RAB20: variants seen among roughly 807,000 people sequenced by gnomAD.
RAB20 encodes the protein RAB20, member RAS oncogene family.
Under a neutral mutation model 3.7 loss-of-function variants are expected in RAB20, and 2 were observed. The ratio of observed to expected loss-of-function variants is 0.54; its 90% CI spans 0.22 to 1.69. The LOEUF is 1.69. Ranked by LOEUF, RAB20 falls within the 40% of genes most tolerant of loss-of-function variation. The probability of loss-of-function intolerance (pLI) is 0.19; values close to 1 mark genes in which losing one functional copy is unlikely to be tolerated. For synonymous variants in RAB20, 126 were observed against 130.8 expected (o/e 0.96, Z 0.25); for missense variants, 276 against 311.9 (o/e 0.88, Z 0.87).
chr13:110,523,664 G>A lies in RAB20; in HGVS notation c.*1C>T, dbSNP rs748575664. Reference sequence around the variant, plus strand: ...GTCTGAGTCCAGGAGGCCCTCGAAAGTCAGGCACAACACCCAGATCTGGTC... The same window carrying A: ...GTCTGAGTCCAGGAGGCCCTCGAAAATCAGGCACAACACCCAGATCTGGTC... On this transcript the variant is annotated 3_prime_UTR_variant, in exon 2 of 2. Coordinates refer to ENST00000267328, the MANE Select transcript of RAB20 (RefSeq NM_017817.3). The A allele has an allele frequency of 6.2e-7, 1 of 1,611,740 alleles. No homozygotes were observed. The highest frequency in any genetic ancestry group is 2.2e-5 in the East Asian group (1 of 44,802).
chr13:110,531,516 G>A (rs1037303592), intron 1 of RAB20, among the ~76,000 whole-genome samples: 2 of 152,200 alleles, frequency 1.3e-5, no homozygotes, highest in East Asian at 1.9e-4. Context: ...TTAGACATGC[G>A]GTACCTCAGT....
At chr13:110,529,246 T>C (rs1250662341) in intron 1 of RAB20, among the ~76,000 whole-genome samples, 1 of 152,260 alleles carries the variant, frequency 6.6e-6, no homozygotes, top group Non-Finnish European at 1.5e-5. Flanking sequence ...ACGCGTTTTC[T>C]GGAAGTTTGT....
At position 110,534,137 on chromosome 13, in the gene RAB20, C is replaced by CA. The variant is rs774902918; in HGVS notation, c.173-9941dup. On this transcript the variant is annotated intron_variant, in intron 1 of 1. Transcript: ENST00000267328. The stretch of plus-strand genomic sequence containing the variant: ...ATTTACATCAGTGGATGTGAGAAAG[C>CA]AGACAGTGCTCTGTGATGTGGTAGG... Among the ~76,000 whole-genome samples the CA allele has an allele frequency of 2.6e-5, 4 of 152,316 alleles. No individual in the cohort carries two copies. The East Asian group carries it at 7.7e-4, about 29-fold the overall frequency.
At chr13:110,533,149 G>T (rs528795386) in intron 1 of RAB20, among the ~76,000 whole-genome samples, 1 of 152,346 alleles carries the variant, frequency 6.6e-6, no homozygotes, top group Admixed American at 6.5e-5. Flanking sequence ...CAGCAGCAGC[G>T]CAGCCTAGAG....
chr13:110,527,378 A>G (rs1215981287), intron 1 of RAB20, among the ~76,000 whole-genome samples: 1 of 152,054 alleles, frequency 6.6e-6, no homozygotes, highest in Non-Finnish European at 1.5e-5. Flanking sequence ...CTCCCCCTTC[A>G]GCAAAGCCGA....
intron 1 of RAB20, among the ~76,000 whole-genome samples, chr13:110,558,940 C>G (rs2139592789): frequency 6.6e-6 from 1 of 152,164 alleles, no homozygotes; most frequent in African/African-American, 2.4e-5. Context: ...TCGTGATCCA[C>G]CCACCTCAGC....
chr13:110,532,056 T>G (rs911771574), intron 1 of RAB20, among the ~76,000 whole-genome samples: 1 of 152,048 alleles, frequency 6.6e-6, no homozygotes, highest in Non-Finnish European at 1.5e-5. Context: ...TAAGAGTGGG[T>G]TGAGATAGCC....
intron 1 of RAB20, among the ~76,000 whole-genome samples, chr13:110,534,936 C>T (rs11619777): frequency 0.4 from 60,024 of 151,902 alleles, 12,145 homozygotes; most frequent in African/African-American, 0.49. Context: ...TGGGCTCAAG[C>T]GATCCTCCCA....
intron 1 of RAB20, among the ~76,000 whole-genome samples, chr13:110,540,728 G>T (rs1310849369): frequency 1.5e-5 from 2 of 134,488 alleles, no homozygotes; most frequent in Non-Finnish European, 3.1e-5. Flanking sequence ...GGCAACGAGA[G>T]TGAAACTCCG....
intron 1 of RAB20, among the ~76,000 whole-genome samples, chr13:110,542,510 G>T (rs1884781625): frequency 6.6e-6 from 1 of 152,110 alleles, no homozygotes; most frequent in African/African-American, 2.4e-5. Flanking sequence ...CCAGCTCCTT[G>T]TAACCACCAT....
At chr13:110,526,825 A>G (rs747919995) in intron 1 of RAB20, among the ~76,000 whole-genome samples, 1 of 152,190 alleles carries the variant, frequency 6.6e-6, no homozygotes, top group Non-Finnish European at 1.5e-5. Flanking sequence ...TTCATTCATT[A>G]ATATGTGGAC....
intron 1 of RAB20, among the ~76,000 whole-genome samples, chr13:110,560,420 C>T: frequency 6.6e-6 from 1 of 151,990 alleles, no homozygotes; most frequent in East Asian, 1.9e-4. Context: ...ACTGATACAC[C>T]CAAGATGGCA....
At chr13:110,536,389 C>T (rs1884639544) in intron 1 of RAB20, among the ~76,000 whole-genome samples, 1 of 152,222 alleles carries the variant, frequency 6.6e-6, no homozygotes, top group Admixed American at 6.5e-5. Flanking sequence ...TCCCCCTAGA[C>T]AGGCACCGAA....
At chr13:110,539,926 G>A (rs534378590) in intron 1 of RAB20, among the ~76,000 whole-genome samples, 1 of 152,134 alleles carries the variant, frequency 6.6e-6, no homozygotes, top group Non-Finnish European at 1.5e-5. Flanking sequence ...TGATCTGAAG[G>A]ATAAACTAAA....
At chr13:110,529,949 T>C (rs1290947163) in intron 1 of RAB20, among the ~76,000 whole-genome samples, 1 of 152,196 alleles carries the variant, frequency 6.6e-6, no homozygotes, top group East Asian at 1.9e-4. Context: ...TTACCCCTGG[T>C]GGTGAGGGAA....
intron 1 of RAB20, among the ~76,000 whole-genome samples, chr13:110,543,771 GTTA>G (rs1425773251): frequency 3.0e-3 from 233 of 78,412 alleles, no homozygotes; most frequent in African/African-American, 0.011. Context: ...TCAAATGTGG[GTTA>G]TTTTTTTTTT....
chr13:110,558,375 TCC>T (rs1885074438), intron 1 of RAB20, among the ~76,000 whole-genome samples: 1 of 124,732 alleles, frequency 8.0e-6, no homozygotes, highest in Non-Finnish European at 1.6e-5. Flanking sequence ...TCTGCTGTCT[TCC>T]CACTTTTTTT....
At chr13:110,525,623 A>G (rs1313106474) in intron 1 of RAB20, among the ~76,000 whole-genome samples, 1 of 152,228 alleles carries the variant, frequency 6.6e-6, no homozygotes, top group Non-Finnish European at 1.5e-5. Flanking sequence ...GACTCCCACA[A>G]GGGGAGCAGA....
At position 110,523,961 on chromosome 13, in the gene RAB20, C is replaced by T. The variant is rs371271237; in HGVS notation, c.409G>A (p.Ala137Thr). ...GCCCTTGGGGAGACACGGTCCCCAG[C>T]GTCCATATTGGGACTGCACTCTTCC... ...EKEECSPNMD[A>T]GDRVSPRAPK... is the part of the protein sequence containing the mutation. The change falls in exon 2 of 2, where the codon GCT (alanine) becomes ACT (threonine). Residue 137 changes from alanine (A) to threonine (T), a missense_variant. By Grantham distance (58) the Ala-to-Thr change is moderately conservative (BLOSUM62 0). Coordinates refer to ENST00000267328, the MANE Select transcript of RAB20 (RefSeq NM_017817.3). 9.9e-6 allele frequency: 16 copies of T among 1,614,088 alleles called. No individual in the cohort carries two copies. Among genetic ancestry groups the T allele is most frequent in the Admixed American group, 1.7e-5 (1 of 59,996 alleles).
Sources: allele counts gnomAD v4.1 joint callset (sites outside exome capture counted in the v4.1 genomes callset), GRCh38; gene constraint gnomAD v4.1.1; transcripts MANE v1.5; gene names NCBI Gene and HGNC (gene_info 2026-07-23, HGNC 2026-07-21).